The following NTNG2 variants were observed in gnomAD, a reference collection of about 807,000 sequenced individuals.
NTNG2 encodes netrin-G2.
A neutral mutation model predicts 47.6 loss-of-function variants in NTNG2; 15 were observed. The observed-to-expected ratio is 0.32, with a 90% CI of 0.21 to 0.49. The LOEUF (loss-of-function observed/expected upper bound fraction) is 0.49. Among genes scored for constraint, NTNG2 ranks in the 20% least tolerant of loss-of-function variants. NTNG2 has a pLI of 0.99. For missense variants in NTNG2, 578 were observed against 764.6 expected, an observed-to-expected ratio of 0.76 and a Z score of 2.88; for synonymous variants, 307 against 324.6, an observed-to-expected ratio of 0.95 and a Z score of 0.58.
At chr9:132,214,730 G>T (rs2130852648) in intron 3 of NTNG2, among the ~76,000 whole-genome samples, 1 of 152,336 alleles carries the variant, frequency 6.6e-6, no homozygotes, top group East Asian at 1.9e-4. Flanking sequence ...GGGCCTGCCA[G>T]ATGAAATACG....
chr9:132,162,521 G>A lies in NTNG2; in HGVS notation c.-484+282G>A, dbSNP rs182476456. ...GGCCAGCTTCCCCCGGGTCCTTTCC[G>A]TCGTGTGTGTGAGAGTGTGTGTGTG... On this transcript the variant is annotated intron_variant, in intron 1 of 7. Transcript: ENST00000393229. This position sits in a 1 kb window ranked among gnomAD's most constrained non-coding sequence, Gnocchi z 4.6. Among the ~76,000 whole-genome samples, 3 of 146,218 alleles carry A rather than the reference G, an allele frequency of 2.1e-5. No homozygotes were observed. The highest frequency in any genetic ancestry group is 7.7e-5 in the African/African-American group (3 of 38,938).
At chr9:132,235,127 A>G (rs753787113) in intron 5 of NTNG2, among the ~76,000 whole-genome samples, 1 of 152,188 alleles carries the variant, frequency 6.6e-6, no homozygotes, top group Non-Finnish European at 1.5e-5. Flanking sequence ...GGAAGGTAGA[A>G]GGGCAGTGAT....
chr9:132,194,517 A>C (rs1475147182), intron 2 of NTNG2, among the ~76,000 whole-genome samples: 1 of 152,098 alleles, frequency 6.6e-6, no homozygotes, highest in Non-Finnish European at 1.5e-5. Flanking sequence ...CCCCCGCCCC[A>C]TGTCCCTCTG....
chr9:132,175,517 C>T (rs1836362431), intron 2 of NTNG2, among the ~76,000 whole-genome samples: 1 of 152,196 alleles, frequency 6.6e-6, no homozygotes. Flanking sequence ...AGCACTGATG[C>T]AGGGCTCCTT....
At chr9:132,238,066 C>A (rs117895820) in intron 5 of NTNG2, among the ~76,000 whole-genome samples, 2,650 of 136,856 alleles carry the variant, frequency 0.019, 34 homozygotes, top group Non-Finnish European at 0.026. Context: ...TCTAGAGATA[C>A]ACAGATGGTG....
At chr9:132,211,749 T>C (rs1839605199) in intron 3 of NTNG2, among the ~76,000 whole-genome samples, 1 of 152,082 alleles carries the variant, frequency 6.6e-6, no homozygotes. Context: ...CTTGGCGGCT[T>C]GTGACAATTC....
At chr9:132,176,954 G>A (rs1419918161) in intron 2 of NTNG2, among the ~76,000 whole-genome samples, 1 of 152,190 alleles carries the variant, frequency 6.6e-6, no homozygotes, top group East Asian at 1.9e-4. Flanking sequence ...AGCTAATGAT[G>A]TCAGTGTGCT....
At chr9:132,216,089 G>A (rs2130861727) in intron 3 of NTNG2, among the ~76,000 whole-genome samples, 1 of 152,194 alleles carries the variant, frequency 6.6e-6, no homozygotes, top group South Asian at 2.1e-4. Flanking sequence ...TAGCTTGAGG[G>A]GTCAGAGGTT....
intron 1 of NTNG2, among the ~76,000 whole-genome samples, chr9:132,164,800 A>T (rs1335197896): frequency 6.6e-6 from 1 of 152,192 alleles, no homozygotes. Context: ...AGAGAGGGGC[A>T]GGGGTCGCCC....
At chr9:132,205,993 T>C (rs545405605) in intron 3 of NTNG2, among the ~76,000 whole-genome samples, 4 of 152,244 alleles carry the variant, frequency 2.6e-5, no homozygotes, top group Admixed American at 2.6e-4. Flanking sequence ...AGGTGCAAAT[T>C]CTGGATTAGG....
intron 2 of NTNG2, among the ~76,000 whole-genome samples, chr9:132,174,155 G>A (rs1425246169): frequency 7.8e-5 from 11 of 140,832 alleles, no homozygotes; most frequent in Non-Finnish European, 1.7e-4. Context: ...ACCATGCTGC[G>A]GATGAGACGG....
chr9:132,174,911 G>C (rs1467165584), intron 2 of NTNG2, among the ~76,000 whole-genome samples: 1 of 52,622 alleles, frequency 1.9e-5, no homozygotes, highest in Non-Finnish European at 4.1e-5. Context: ...GACAGAGCAA[G>C]ACTCTGTCTC....
rs1445499725 is a variant in NTNG2, at chr9:132,180,472, C to A, written c.213+13428C>A. On this transcript the variant is annotated intron_variant, in intron 2 of 7. Transcript: ENST00000393229. The surrounding 1 kb of genome is among the most constrained non-coding windows in gnomAD (Gnocchi z 4.2). The stretch of plus-strand genomic sequence containing the variant: ...TCTGCCCCTGTCCCCACCCAGGCAA[C>A]ATCCAAAACCTTTGCCCACAGTTCT... Among the ~76,000 whole-genome samples the A allele has an allele frequency of 6.6e-6, 1 of 152,244 alleles. No homozygotes were observed. The highest frequency in any genetic ancestry group is 1.9e-4 in the East Asian group (1 of 5,182).
chr9:132,188,748 C>G (rs981737949), intron 2 of NTNG2, among the ~76,000 whole-genome samples: 1 of 152,286 alleles, frequency 6.6e-6, no homozygotes, highest in East Asian at 1.9e-4. Flanking sequence ...CCATGGTGCA[C>G]CTGGCATCAT....
intron 3 of NTNG2, among the ~76,000 whole-genome samples, chr9:132,225,504 A>T (rs1256705679): frequency 6.6e-6 from 1 of 152,180 alleles, no homozygotes; most frequent in Non-Finnish European, 1.5e-5. Flanking sequence ...TCCTGGGCTC[A>T]ATTGATCCTC....
chr9:132,195,617 G>A (rs749311274), intron 2 of NTNG2, among the ~76,000 whole-genome samples: 8 of 150,200 alleles, frequency 5.3e-5, no homozygotes, highest in Non-Finnish European at 1.2e-4. Context: ...GTGAGCCACC[G>A]CGCCTGGCCT....
At chr9:132,185,682 C>T (rs1837308083) in intron 2 of NTNG2, among the ~76,000 whole-genome samples, 1 of 152,060 alleles carries the variant, frequency 6.6e-6, no homozygotes, top group Non-Finnish European at 1.5e-5. Context: ...TTCTTCTCTC[C>T]CGTTCTTTCA....
intron 2 of NTNG2, among the ~76,000 whole-genome samples, chr9:132,187,362 A>T (rs138439530): frequency 5.4e-4 from 83 of 152,334 alleles, no homozygotes; most frequent in Non-Finnish European, 9.0e-4. Context: ...CTAAAATGCC[A>T]GGTTGGTTTA....
At chr9:132,228,366 A>G (rs1033950942) in intron 4 of NTNG2, among the ~76,000 whole-genome samples, 1 of 152,204 alleles carries the variant, frequency 6.6e-6, no homozygotes, top group Non-Finnish European at 1.5e-5. Flanking sequence ...GGGGGCTGAC[A>G]GCCCACTCCA....
Sources: allele counts gnomAD v4.1 joint callset (sites outside exome capture counted in the v4.1 genomes callset), GRCh38; gene constraint gnomAD v4.1.1; non-coding constraint Gnocchi (gnomAD v3.1); transcripts MANE v1.5; gene names NCBI Gene and HGNC (gene_info 2026-07-23, HGNC 2026-07-21).